Variants in FGF13 observed in about 807,000 individuals in gnomAD.
FGF13 encodes the protein fibroblast growth factor homologous factor 2.
Under a neutral mutation model 19.5 loss-of-function variants are expected in FGF13, and 2 were observed. That is an observed-to-expected ratio of 0.10 (90% confidence interval 0.04 to 0.32). FGF13 has a LOEUF of 0.32. Ranked by LOEUF, FGF13 falls within the 10% of genes least tolerant of loss-of-function variation. The probability of loss-of-function intolerance (pLI) is 1.00; values close to 1 mark genes in which losing one functional copy is unlikely to be tolerated. For missense variants in FGF13, 113 were observed against 192.7 expected, an observed-to-expected ratio of 0.59 and a Z score of 2.45; for synonymous variants, 72 against 76.9, an observed-to-expected ratio of 0.94 and a Z score of 0.33.
At chrX:138,900,145 G>T (rs957257704) in intron 1 of FGF13, among the ~76,000 whole-genome samples, 1 of 111,116 alleles carries the variant, frequency 9.0e-6, no homozygotes, top group Non-Finnish European at 1.9e-5. Context: ...TGATTCAAGA[G>T]CACCAGTCAA....
intron 3 of FGF13, among the ~76,000 whole-genome samples, chrX:138,804,765 T>A (rs17001797): frequency 0.026 from 2,966 of 112,067 alleles, 78 homozygotes; most frequent in African/African-American, 0.073. Context: ...TCACATTCAA[T>A]CTTTCTTTGT....
chrX:138,748,137 A>G (rs2090369401), intron 3 of FGF13, among the ~76,000 whole-genome samples: 1 of 111,972 alleles, frequency 8.9e-6, no homozygotes, highest in African/African-American at 3.3e-5. Flanking sequence ...CATTGGTTAC[A>G]ACTAATTCTG....
chrX:138,886,646 A>G (rs1358821696), intron 1 of FGF13, among the ~76,000 whole-genome samples: 1 of 111,937 alleles, frequency 8.9e-6, no homozygotes, highest in African/African-American at 3.2e-5. Context: ...GGTTGTTGTG[A>G]GCATCTCATG....
intron 1 of FGF13, among the ~76,000 whole-genome samples, chrX:138,722,377 C>T (rs184718849): frequency 1.4e-3 from 153 of 111,744 alleles, no homozygotes; most frequent in African/African-American, 4.7e-3. Context: ...ACTTGAATTA[C>T]GGCAATTATC....
At chrX:138,857,248 A>C (rs1040597199), downstream of FGF13, among the ~76,000 whole-genome samples, 1 of 112,205 alleles carries the variant, frequency 8.9e-6, no homozygotes, top group African/African-American at 3.2e-5. Context: ...GCCAGCCCAA[A>C]TGGGGCAGTA....
intron 3 of FGF13, among the ~76,000 whole-genome samples, chrX:138,696,518 AAAG>A (rs1449190818): frequency 1.8e-5 from 2 of 112,120 alleles, no homozygotes; most frequent in Non-Finnish European, 3.8e-5. Context: ...CTGTTTAAAA[AAAG>A]AAGGAGGTAA....
At chrX:139,056,931 G>A (rs1000059740) in intron 1 of FGF13, among the ~76,000 whole-genome samples, 7 of 111,663 alleles carry the variant, frequency 6.3e-5, no homozygotes, top group Non-Finnish European at 1.1e-4. Flanking sequence ...AATTAGCAGC[G>A]AAGGAGAAGC....
In FGF13 at chrX:138,620,899, T is replaced by C. The variant is rs1282700313; in HGVS notation, c.*11951A>G. On this transcript the variant is annotated 3_prime_UTR_variant, in exon 5 of 5. Coordinates refer to ENST00000315930, the MANE Select transcript of FGF13 (RefSeq NM_004114.5). ...TAACAAGAGACAAAGAATGCCATTATATAAAAATAAATGAGTCAATTCATC... is the reference window on the plus strand; with the variant it reads ...TAACAAGAGACAAAGAATGCCATTACATAAAAATAAATGAGTCAATTCATC... 1 of 112,102 alleles carries C rather than the reference T, an allele frequency of 8.9e-6. No homozygotes were observed. Among genetic ancestry groups the C allele is most frequent in the Non-Finnish European group, 1.9e-5 (1 of 53,177 alleles). 9.2% of individuals were successfully genotyped at this position (112,102 alleles called of 1,213,427 possible).
chrX:139,152,804 C>T (rs1221971088), intron 1 of FGF13, among the ~76,000 whole-genome samples: 1 of 111,096 alleles, frequency 9.0e-6, no homozygotes, highest in Non-Finnish European at 1.9e-5. Context: ...CAAGCCCTCA[C>T]ACAAAGCCTT....
chrX:138,979,533 T>C (rs1427842881), intron 1 of FGF13, among the ~76,000 whole-genome samples: 1 of 109,330 alleles, frequency 9.1e-6, no homozygotes, highest in Non-Finnish European at 1.9e-5. Context: ...TGTATATTCC[T>C]TTTTTTTTCC....
intron 1 of FGF13, among the ~76,000 whole-genome samples, chrX:138,952,227 G>A (rs1225697629): frequency 9.0e-6 from 1 of 111,501 alleles, no homozygotes; most frequent in Non-Finnish European, 1.9e-5. Context: ...TACCAAAACA[G>A]AGATATACAC....
chrX:139,046,413 T>G (rs2092287450), intron 1 of FGF13, among the ~76,000 whole-genome samples: 1 of 111,357 alleles, frequency 9.0e-6, no homozygotes, highest in South Asian at 3.8e-4. Context: ...GTATCCAAAC[T>G]ATATCACCTT....
At chrX:138,968,922 T>G (rs1234867492) in intron 1 of FGF13, among the ~76,000 whole-genome samples, 1 of 112,485 alleles carries the variant, frequency 8.9e-6, no homozygotes, top group Non-Finnish European at 1.9e-5. Context: ...TTGTCTGTAT[T>G]GCTCACAGCA....
chrX:139,013,479 T>TTATTTATATA (rs2092138595), intron 1 of FGF13, among the ~76,000 whole-genome samples: 11 of 71,083 alleles, frequency 1.5e-4, no homozygotes, highest in African/African-American at 6.7e-4. Flanking sequence ...AAAGAAAATT[T>TTATTTATATA]TATATATATA....
chrX:139,174,222 A>G (rs1172724912), intron 1 of FGF13, among the ~76,000 whole-genome samples: 2 of 112,392 alleles, frequency 1.8e-5, no homozygotes, highest in Admixed American at 9.4e-5. Flanking sequence ...GTCTGTTCAT[A>G]TCCTTTGCCC....
intron 1 of FGF13, among the ~76,000 whole-genome samples, chrX:138,995,343 G>T (rs1026804016): frequency 3.6e-5 from 4 of 110,914 alleles, no homozygotes; most frequent in Non-Finnish European, 7.6e-5. Context: ...ACGTTTAGGA[G>T]TACACGTGAA....
upstream of FGF13, among the ~76,000 whole-genome samples, chrX:138,715,544 T>TA (rs997614214): frequency 2.7e-5 from 3 of 112,432 alleles, no homozygotes; most frequent in Non-Finnish European, 5.6e-5. Flanking sequence ...ACGTAAAAAA[T>TA]AAAAATGAAA....
In FGF13 at chrX:138,753,160, G is replaced by T. The variant is rs755531763; in HGVS notation, c.218-44232C>A. ...TCTGTTCTGTTGTTCTAGGCACTAA[G>T]GAATTCAAGCAGTGATTCAAGTTGT... On this transcript the variant is annotated intron_variant, in intron 3 of 6. Transcript: ENST00000436198. 5.4e-5 allele frequency among the ~76,000 whole-genome samples: 6 copies of T among 111,891 alleles called. No homozygotes were observed. The East Asian group carries it at 1.7e-3, about 32-fold the overall frequency.
chrX:139,159,655 C>CAAAAAAAAAAAAAAAAAA (rs550001786), intron 1 of FGF13, among the ~76,000 whole-genome samples: 2 of 51,668 alleles, frequency 3.9e-5, no homozygotes, highest in African/African-American at 1.5e-4. Context: ...AAAGAGAAAG[C>CAAAAAAAAAAAAAAAAAA]AAAAAAAAAA....
Sources: allele counts gnomAD v4.1 joint callset (sites outside exome capture counted in the v4.1 genomes callset), GRCh38; gene constraint gnomAD v4.1.1; transcripts MANE v1.5; gene names NCBI Gene and HGNC (gene_info 2026-07-23, HGNC 2026-07-21).